The following ERG variants were observed in gnomAD, a reference collection of about 807,000 sequenced individuals.
ERG encodes the protein transcriptional regulator ERG.
ERG carries 9 observed loss-of-function variants against 55.3 expected under a neutral mutation model. That is an observed-to-expected ratio of 0.16 (90% CI 0.10 to 0.28). The LOEUF is 0.28. Ranked by LOEUF, ERG falls within the 10% of genes least tolerant of loss-of-function variation. ERG has a pLI of 1.00. For synonymous variants in ERG, 223 were observed against 237.3 expected, an observed-to-expected ratio of 0.94 and a Z score of 0.55; for missense variants, 434 against 631.6, an observed-to-expected ratio of 0.69 and a Z score of 3.35.
At chr21:38,621,504 G>C (rs954071478) in intron 1 of ERG, among the ~76,000 whole-genome samples, 1 of 152,070 alleles carries the variant, frequency 6.6e-6, no homozygotes, top group Non-Finnish European at 1.5e-5. Context: ...CTTCAACCTG[G>C]GACCCAGAAT....
chr21:38,490,866 T>C (rs1412200812), intron 1 of ERG, among the ~76,000 whole-genome samples: 6 of 152,184 alleles, frequency 3.9e-5, no homozygotes. Flanking sequence ...ATAAGGCCAA[T>C]CCCTTTTCCA....
intron 2 of ERG, among the ~76,000 whole-genome samples, chr21:38,441,947 G>C (rs2058845215): frequency 6.6e-6 from 1 of 152,178 alleles, no homozygotes; most frequent in Non-Finnish European, 1.5e-5. Flanking sequence ...AGGATGAAGA[G>C]GATGACATGA....
At chr21:38,643,439 A>G (rs1218190672) in intron 1 of ERG, among the ~76,000 whole-genome samples, 2 of 152,168 alleles carry the variant, frequency 1.3e-5, no homozygotes, top group Non-Finnish European at 1.5e-5. Context: ...GGACAGAGTA[A>G]GGTCACAACT....
intron 2 of ERG, among the ~76,000 whole-genome samples, chr21:38,533,904 T>G (rs750412815): frequency 2.4e-4 from 37 of 152,204 alleles, no homozygotes; most frequent in Non-Finnish European, 5.1e-4. Flanking sequence ...GTTTCCTTCA[T>G]GCACTAATCA....
intron 1 of ERG, among the ~76,000 whole-genome samples, chr21:38,661,462 A>AC: frequency 6.6e-6 from 1 of 152,244 alleles, no homozygotes; most frequent in Non-Finnish European, 1.5e-5. Flanking sequence ...GGACGCGGGG[A>AC]TGCCGAGGGC....
intron 2 of ERG, among the ~76,000 whole-genome samples, chr21:38,523,988 A>T (rs1353676871): frequency 6.6e-6 from 1 of 152,256 alleles, no homozygotes; most frequent in African/African-American, 2.4e-5. Flanking sequence ...AAGGATTTGG[A>T]ATCAAAGCAG....
the ERG span, among the ~76,000 whole-genome samples, chr21:38,372,766 AGTT>A: frequency 6.6e-6 from 1 of 151,542 alleles, no homozygotes; most frequent in Admixed American, 6.6e-5. Flanking sequence ...TGTATTTTTT[AGTT>A]GTTGGGAGCA....
At chr21:38,445,693 C>A in intron 1 of ERG, 72 bp from the exon 2 acceptor site, 1 of 1,282,524 alleles carries the variant, frequency 7.8e-7, no homozygotes, top group South Asian at 1.2e-5. Flanking sequence ...TTGTTGATTT[C>A]AGAGTCCTTT....
chr21:38,544,074 G>A (rs1302400868), intron 2 of ERG, among the ~76,000 whole-genome samples: 2 of 152,176 alleles, frequency 1.3e-5, no homozygotes, highest in African/African-American at 2.4e-5. Context: ...GTCAGGGAAG[G>A]CTTTACTGTG....
chr21:38,453,258 T>C (rs944465556), intron 1 of ERG, among the ~76,000 whole-genome samples: 1 of 152,072 alleles, frequency 6.6e-6, no homozygotes, highest in Non-Finnish European at 1.5e-5. Context: ...TACTGGAAAA[T>C]GAACGTTTGC....
At chr21:38,601,403 A>G (rs1205171757) in intron 1 of ERG, among the ~76,000 whole-genome samples, 1 of 152,140 alleles carries the variant, frequency 6.6e-6, no homozygotes, top group African/African-American at 2.4e-5. Flanking sequence ...ACACCATATT[A>G]TTGTCATAGA....
In ERG at chr21:38,554,516, T is replaced by C. The variant is rs2059845658; in HGVS notation, c.-41+21146A>G. On this transcript the variant is annotated intron_variant, in intron 2 of 8. Transcript: ENST00000398897. The stretch of plus-strand genomic sequence containing the variant: ...ATAAAATAGAATGAAATCATGTCCT[T>C]TGCAGTAACATGAATGGAGCTGGAG... Among the ~76,000 whole-genome samples the C allele has an allele frequency of 1.3e-5, 2 of 152,174 alleles. 1 individual carries two copies. Among genetic ancestry groups the C allele is most frequent in the South Asian group, 4.1e-4 (2 of 4,830 alleles).
rs1417769978 is a variant in ERG at position 38,506,762 on chromosome 21, T to C, written c.-41+68900A>G. On this transcript the variant is annotated intron_variant, in intron 2 of 8. Coordinates refer to the ERG transcript ENST00000398897. ...TCGTGAGGTCAATGGGTGACAGTTGTTTGTCTGTGTTCACGGCTGTCGGGC... is the reference window on the plus strand; with the variant it reads ...TCGTGAGGTCAATGGGTGACAGTTGCTTGTCTGTGTTCACGGCTGTCGGGC... 2.0e-5 allele frequency among the ~76,000 whole-genome samples: 3 copies of C among 152,114 alleles called. No homozygotes were observed. The East Asian group carries it at 5.8e-4, about 29-fold the overall frequency.
upstream of ERG, among the ~76,000 whole-genome samples, chr21:38,588,316 CCCA>C (rs959053818): frequency 9.9e-5 from 15 of 152,082 alleles, no homozygotes; most frequent in South Asian, 2.1e-4. Context: ...AGAGACACCC[CCCA>C]CCACCACCAC....
intron 2 of ERG, among the ~76,000 whole-genome samples, chr21:38,517,539 A>G (rs1003270052): frequency 2.0e-5 from 3 of 152,162 alleles, no homozygotes; most frequent in African/African-American, 7.2e-5. Context: ...GCCACTATAG[A>G]AAACAGTAGA....
At chr21:38,495,538 C>T (rs1425363170) in intron 1 of ERG, among the ~76,000 whole-genome samples, 1 of 152,212 alleles carries the variant, frequency 6.6e-6, no homozygotes, top group South Asian at 2.1e-4. Context: ...GAAAATCCCC[C>T]ACATTCCCTT....
At chr21:38,447,722 G>A (rs1023913133) in intron 1 of ERG, among the ~76,000 whole-genome samples, 1 of 151,902 alleles carries the variant, frequency 6.6e-6, no homozygotes, top group Non-Finnish European at 1.5e-5. Flanking sequence ...CCTTCCCATG[G>A]TGGCACTGGC....
intron 2 of ERG, among the ~76,000 whole-genome samples, chr21:38,439,770 C>A (rs2058823095): frequency 6.6e-6 from 1 of 152,202 alleles, no homozygotes; most frequent in African/African-American, 2.4e-5. Context: ...ATTATAATGG[C>A]AACAGATCTC....
chr21:38,402,425 C>G, intron 5 of ERG, 132 bp downstream of exon 5: 1 of 662,158 alleles, frequency 1.5e-6, no homozygotes, highest in Non-Finnish European at 2.6e-6. Context: ...TCCTAAGTAT[C>G]CGAAAGTATT....
Sources: gnomAD v4.1 joint callset for allele counts (sites outside exome capture counted in the v4.1 genomes callset) on GRCh38, gnomAD v4.1.1 for gene constraint, MANE v1.5 for transcripts, NCBI Gene and HGNC (gene_info 2026-07-23, HGNC 2026-07-21) for gene names.